The following ADGRA3 variants were observed in gnomAD, a reference collection of about 807,000 sequenced individuals.
The protein encoded by ADGRA3 is G-protein coupled receptor 125.
ADGRA3 carries 56 observed loss-of-function variants against 119.8 expected under a neutral mutation model. That is an observed-to-expected ratio of 0.47 (90% CI 0.38 to 0.58). ADGRA3 has a LOEUF of 0.58. ADGRA3 is among the 20% of genes least tolerant of loss of function. The pLI is 0.00. For synonymous variants in ADGRA3, 607 were observed against 623.8 expected, an observed-to-expected ratio of 0.97 and a Z score of 0.40; for missense variants, 1,516 against 1,649.0, an observed-to-expected ratio of 0.92 and a Z score of 1.40.
intron 16 of ADGRA3, among the ~76,000 whole-genome samples, chr4:22,399,939 T>C (rs1016054865): frequency 6.6e-6 from 1 of 152,204 alleles, no homozygotes; most frequent in African/African-American, 2.4e-5. Flanking sequence ...TATCTTTCCA[T>C]TTATTTAGGT....
intron 1 of ADGRA3, among the ~76,000 whole-genome samples, chr4:22,491,569 T>C (rs1335465432): frequency 1.3e-5 from 2 of 152,100 alleles, no homozygotes; most frequent in Non-Finnish European, 2.9e-5. Flanking sequence ...ACCCACGATA[T>C]CTGGTCAAAC....
intron 1 of ADGRA3, among the ~76,000 whole-genome samples, chr4:22,485,145 C>T (rs1222993615): frequency 6.6e-6 from 1 of 152,046 alleles, no homozygotes; most frequent in East Asian, 1.9e-4. Flanking sequence ...GAAGTGGTGC[C>T]ATCTCGGCTC....
At chr4:22,480,982 G>C (rs534782522) in intron 1 of ADGRA3, among the ~76,000 whole-genome samples, 67 of 152,222 alleles carry the variant, frequency 4.4e-4, no homozygotes, top group African/African-American at 1.5e-3. Context: ...TGAGTTTATA[G>C]TGAGCTATGA....
Position 22,402,676 on chromosome 4 carries a change from T to C in ADGRA3, c.2356A>G (p.Ser786Gly). Residue 786 changes from serine to glycine, a missense_variant and splice_region_variant, in exon 15 of 19, where the codon AGT (serine) becomes GGT (glycine). Around this residue, in one of 2 missense-constraint regions of ADGRA3, gnomAD observed 1,088 missense variants for 1,107.1 expected, o/e 0.98. Transcript: ENST00000334304. ...AVIVSYIYHH[S>G]LIRISLKSWH... Reference sequence around the variant, plus strand: ...ATTTTGTCGAGATGTATTTCTTACCTGTGATGGTATATGTAACTGACAATG... The same window carrying C: ...ATTTTGTCGAGATGTATTTCTTACCCGTGATGGTATATGTAACTGACAATG... 1 of 1,611,720 alleles carries C rather than the reference T, an allele frequency of 6.2e-7. No individual in the cohort carries two copies. Among genetic ancestry groups the C allele is most frequent in the Non-Finnish European group, 8.5e-7 (1 of 1,179,260 alleles).
intron 1 of ADGRA3, among the ~76,000 whole-genome samples, chr4:22,505,229 G>T (rs962845661): frequency 3.3e-5 from 5 of 152,094 alleles, no homozygotes; most frequent in Non-Finnish European, 7.4e-5. Flanking sequence ...AAGGTTTTGT[G>T]CCCAGCAGTG....
chr4:22,498,924 A>T (rs201021119), intron 1 of ADGRA3, among the ~76,000 whole-genome samples: 1 of 1,846 alleles, frequency 5.4e-4, no homozygotes, highest in Non-Finnish European at 1.0e-3. Context: ...AAAAAAAAAC[A>T]AAAAAAACAA....
rs149107235 is a variant in ADGRA3, at chr4:22,443,634, T to C, written c.707-771A>G. ...AGTTGTTAAACTATGGCTTCATCTA[T>C]ACAATGAATTGATATGCATCTATTT... On this transcript the variant is annotated intron_variant, in intron 6 of 18. Coordinates refer to ENST00000334304, the MANE Select transcript of ADGRA3 (RefSeq NM_145290.4). Among the ~76,000 whole-genome samples the C allele has an allele frequency of 6.2e-4, 94 of 152,288 alleles. 2 individuals are homozygous for C. In the East Asian group the frequency reaches 0.014, roughly 23 times the overall value.
At chr4:22,484,920 G>A (rs1040434367) in intron 1 of ADGRA3, among the ~76,000 whole-genome samples, 1 of 151,766 alleles carries the variant, frequency 6.6e-6, no homozygotes, top group East Asian at 1.9e-4. Flanking sequence ...CCATCTCTTA[G>A]TTCCAACCTT....
At chr4:22,453,615 C>T (rs544786704) in intron 4 of ADGRA3, among the ~76,000 whole-genome samples, 1 of 152,314 alleles carries the variant, frequency 6.6e-6, no homozygotes, top group East Asian at 1.9e-4. Flanking sequence ...AAGTAGACAA[C>T]CCTTAACACT....
At chr4:22,402,420 C>T (rs1714704997) in intron 15 of ADGRA3, among the ~76,000 whole-genome samples, 1 of 152,060 alleles carries the variant, frequency 6.6e-6, no homozygotes, top group African/African-American at 2.4e-5. Flanking sequence ...TGTCCAATAC[C>T]TATTGCCCAT....
In ADGRA3 at chr4:22,387,527, G is replaced by T; in HGVS notation, c.*178C>A. ...AATGTTTTAGAAAGATTTTGTTTCA[G>T]ATCCTAAAAAATAGCAACAATTTGG... On this transcript the variant is annotated 3_prime_UTR_variant, in exon 19 of 19. Transcript: ENST00000334304. 1.8e-6 allele frequency: 1 copy of T among 553,052 alleles called. No individual in the cohort carries two copies. The highest frequency in any genetic ancestry group is 3.1e-6 in the Non-Finnish European group (1 of 327,824). The allele number at this position is 553,052 out of a possible 1,614,324, so 34.3% of individuals were successfully genotyped here. A position where few individuals can be genotyped will look rare whatever the true frequency, so the allele number is the denominator to read the frequency against.
intron 1 of ADGRA3, among the ~76,000 whole-genome samples, chr4:22,481,832 G>GT (rs1246564408): frequency 2.0e-5 from 3 of 152,124 alleles, no homozygotes; most frequent in Non-Finnish European, 4.4e-5. Context: ...GTTTTACTCT[G>GT]TCTCAGCTTA....
At chr4:22,486,709 A>G (rs970511484) in intron 1 of ADGRA3, among the ~76,000 whole-genome samples, 3 of 152,158 alleles carry the variant, frequency 2.0e-5, no homozygotes, top group African/African-American at 7.2e-5. Flanking sequence ...CCCTCCCTCA[A>G]TAATTACCGA....
At chr4:22,416,680 G>A (rs892811811) in intron 12 of ADGRA3, among the ~76,000 whole-genome samples, 16 of 152,106 alleles carry the variant, frequency 1.1e-4, no homozygotes, top group African/African-American at 3.9e-4. Flanking sequence ...AAATTGCCAA[G>A]AATAATCTAG....
chr4:22,389,176 G>T lies in ADGRA3; in HGVS notation c.2635C>A (p.Leu879Met). Residue 879 changes from leucine to methionine, a missense_variant, in exon 18 of 19, where the codon CTG becomes ATG. Leu to Met is a conservative substitution (Grantham distance 15, BLOSUM62 2). Around this residue, in one of 2 missense-constraint regions of ADGRA3, gnomAD observed 1,088 missense variants for 1,107.1 expected, o/e 0.98. Coordinates refer to ENST00000334304, the MANE Select transcript of ADGRA3 (RefSeq NM_145290.4). ...ATGATGGGGATACCACCACCAATCA[G>T]GTAAAATCTAGAAGGAGGAATCACA... ...PPPRPMLRFY[L>M]IGGGIPIIVC... 1 of 1,610,362 alleles carries T rather than the reference G, an allele frequency of 6.2e-7. No homozygotes were observed.
chr4:22,407,798 A>C (rs1319130744), intron 14 of ADGRA3, among the ~76,000 whole-genome samples: 1 of 152,192 alleles, frequency 6.6e-6, no homozygotes, highest in African/African-American at 2.4e-5. Flanking sequence ...ATATATTTAC[A>C]AGTGTTACTT....
chr4:22,436,625 C>T lies in ADGRA3; in HGVS notation c.1102G>A (p.Ala368Thr). 6.2e-7 allele frequency: 1 copy of T among 1,613,916 alleles called. No homozygotes were observed. The highest frequency in any genetic ancestry group is 8.5e-7 in the Non-Finnish European group (1 of 1,179,918). ...CACTGCAGATATGCAGTAATGCCTG[C>T]CAATGTTCTGGGCCATCTAGAGATG... ...KGDFRWPRTL[A>T]GITAYLQCTR... The change falls in exon 9 of 19, where the codon GCA (alanine) becomes ACA (threonine). Residue 368 changes from alanine (A) to threonine (T), a missense_variant. By Grantham distance (58) the Ala-to-Thr change is moderately conservative. This residue lies in a region of ADGRA3 where 428 missense variants were observed against 541.9 expected (regional missense o/e 0.79). Coordinates refer to ENST00000334304, the MANE Select transcript of ADGRA3 (RefSeq NM_145290.4).
chr4:22,483,307 T>C (rs1016602259), intron 1 of ADGRA3, among the ~76,000 whole-genome samples: 3 of 152,170 alleles, frequency 2.0e-5, no homozygotes, highest in African/African-American at 7.2e-5. Flanking sequence ...CCACAACATC[T>C]GTGCAATGAA....
intron 12 of ADGRA3, among the ~76,000 whole-genome samples, chr4:22,419,230 GT>G (rs1477633332): frequency 7.6e-6 from 1 of 132,020 alleles, no homozygotes; most frequent in Non-Finnish European, 1.6e-5. Context: ...AGGTTTTCTA[GT>G]TAGTATATTC....
Sources: allele counts gnomAD v4.1 joint callset (sites outside exome capture counted in the v4.1 genomes callset), GRCh38; gene constraint gnomAD v4.1.1; regional missense constraint gnomAD v4.1.1; transcripts MANE v1.5; gene names NCBI Gene and HGNC (gene_info 2026-07-23, HGNC 2026-07-21).